GSDME: variants seen among roughly 807,000 people sequenced by gnomAD.
GSDME encodes the protein gasdermin-E.
GSDME carries 44 observed loss-of-function variants against 47.5 expected under a neutral mutation model. The observed-to-expected ratio is 0.93, with a 90% confidence interval of 0.73 to 1.19. GSDME has a LOEUF of 1.19. GSDME is among the 50% of genes most tolerant of loss of function. The probability of loss-of-function intolerance (pLI) is 0.00; values close to 1 mark genes in which losing one functional copy is unlikely to be tolerated. For missense variants in GSDME, 663 were observed against 604.2 expected (o/e 1.10, Z -1.02); for synonymous variants, 258 against 252.8 (o/e 1.02, Z -0.20).
intron 1 of GSDME, among the ~76,000 whole-genome samples, chr7:24,752,940 C>T (rs1403029941): frequency 6.6e-6 from 1 of 151,988 alleles, no homozygotes; most frequent in Non-Finnish European, 1.5e-5. Flanking sequence ...CCAATCCTCC[C>T]CCACAGGGAT....
At position 24,736,332 on chromosome 7, in the gene GSDME, G is replaced by T. The variant is rs186834341; in HGVS notation, c.404+8230C>A. On this transcript the variant is annotated intron_variant, in intron 3 of 9. Coordinates refer to ENST00000645220, the MANE Select transcript of GSDME (RefSeq NM_001127453.2). This position sits in a 1 kb window ranked among gnomAD's most constrained non-coding sequence, Gnocchi z 4.6. ...GACTGAAAATAAAGGGATGGAAAAA[G>T]CCCATGCAAATCACAGGCAAAAAAA... Among the ~76,000 whole-genome samples, 3 of 152,130 alleles carry T rather than the reference G, an allele frequency of 2.0e-5. No individual in the cohort carries two copies. The highest frequency in any genetic ancestry group is 1.9e-4 in the East Asian group (1 of 5,184).
At chr7:24,788,790 A>G in the GSDME span, among the ~76,000 whole-genome samples, 6 of 152,190 alleles carry the variant, frequency 3.9e-5, no homozygotes, top group African/African-American at 1.4e-4. This position sits in a 1 kb window ranked among gnomAD's most constrained non-coding sequence, Gnocchi z 4.6. Flanking sequence ...CTTTAAAGAT[A>G]TACTTTAGTG....
chr7:24,749,512 A>AAG, intron 2 of GSDME, 52 bp downstream of exon 2: 1 of 1,469,836 alleles, frequency 6.8e-7, no homozygotes, highest in East Asian at 2.3e-5. Flanking sequence ...AAAAAAAAAA[A>AAG]AAGGATCATC....
chr7:24,792,894 T>C, the GSDME span, among the ~76,000 whole-genome samples: 1 of 152,296 alleles, frequency 6.6e-6, no homozygotes, highest in East Asian at 1.9e-4. Context: ...TAAAAGACTT[T>C]TAGTTTTGAG....
chr7:24,776,210 G>A, the GSDME span, among the ~76,000 whole-genome samples: 1,697 of 147,108 alleles, frequency 0.012, 26 homozygotes, highest in African/African-American at 0.039. Flanking sequence ...AAGAATCACT[G>A]CTAAGAAGGA....
chr7:24,719,804 GGAAAA>G (rs1005123118), intron 3 of GSDME, among the ~76,000 whole-genome samples: 16 of 151,218 alleles, frequency 1.1e-4, no homozygotes, highest in African/African-American at 3.2e-4. Flanking sequence ...AAAAAAAAAA[GGAAAA>G]GAAAAGAAAA....
Position 24,754,631 on chromosome 7 carries a change from C to T in GSDME, c.-20+2765G>A, listed in dbSNP as rs1378836522. Reference sequence around the variant, plus strand: ...CTCTTGGACAAGAGACCTTGTGGGGCAGACACCAAGAAAGCAGGACAATGA... The same window carrying T: ...CTCTTGGACAAGAGACCTTGTGGGGTAGACACCAAGAAAGCAGGACAATGA... On this transcript the variant is annotated intron_variant, in intron 1 of 9. Transcript: ENST00000645220. This position sits in a 1 kb window ranked among gnomAD's most constrained non-coding sequence, Gnocchi z 5.0. 6.6e-6 allele frequency among the ~76,000 whole-genome samples: 1 copy of T among 152,140 alleles called. No homozygotes were observed. Among genetic ancestry groups the T allele is most frequent in the East Asian group, 1.9e-4 (1 of 5,202 alleles).
rs3038356 is a variant in GSDME, at chr7:24,744,923, C to CGTGTGTGTGT, written c.212-179_212-170dup. ...GTGTGGGCAAGAAAACAGGGCAGCA[C>CGTGTGTGTGT]GTGTGTGTGTGTGTGTGTGTGTGTG... On this transcript the variant is annotated intron_variant, in intron 2 of 9. Transcript: ENST00000645220. The surrounding 1 kb of genome is among the most constrained non-coding windows in gnomAD (Gnocchi z 4.5). 1.6e-3 allele frequency among the ~76,000 whole-genome samples: 220 copies of CGTGTGTGTGT among 140,194 alleles called. 2 individuals carry two copies. The highest frequency in any genetic ancestry group is 3.6e-3 in the Middle Eastern group (1 of 280). 92.0% of individuals were successfully genotyped at this position (140,194 alleles called of 152,430 possible).
At chr7:24,764,030 C>G in the GSDME span, among the ~76,000 whole-genome samples, 701 of 152,308 alleles carry the variant, frequency 4.6e-3, 4 homozygotes, top group African/African-American at 0.016. This position sits in a 1 kb window ranked among gnomAD's most constrained non-coding sequence, Gnocchi z 4.4. Context: ...CAGGGAGAGA[C>G]TGGTGATAGA....
chr7:24,793,129 T>C, the GSDME span, among the ~76,000 whole-genome samples: 1 of 152,220 alleles, frequency 6.6e-6, no homozygotes, highest in African/African-American at 2.4e-5. Context: ...AAGCTAAATT[T>C]CACCTTTATA....
At chr7:24,699,978 T>C (rs894212335) in intron 9 of GSDME, among the ~76,000 whole-genome samples, 1 of 152,200 alleles carries the variant, frequency 6.6e-6, no homozygotes, top group African/African-American at 2.4e-5. Context: ...TCCCTTGTTA[T>C]TCCTTCTTCC....
chr7:24,699,171 T>A lies in GSDME; in HGVS notation c.1346A>T (p.Gln449Leu). The A allele has an allele frequency of 2.5e-6, 4 of 1,614,216 alleles. No homozygotes were observed. Among genetic ancestry groups the A allele is most frequent in the Non-Finnish European group, 3.4e-6 (4 of 1,180,026 alleles). The part of the protein sequence containing the change: ...LKDTERFGIV[Q>L]RLFASADISL... ...AATGTCAGCTGAGGCAAACAAGCGC[T>A]GCACAATCCCAAACCTTTCTGTATC... Residue 449 changes from glutamine to leucine, a missense_variant, in exon 10 of 10, where the codon CAG becomes CTG. Gln to Leu is a moderately radical substitution (Grantham distance 113, BLOSUM62 -2). Transcript: ENST00000645220.
intron 9 of GSDME, among the ~76,000 whole-genome samples, chr7:24,701,731 C>T (rs201728525): frequency 1.3e-5 from 2 of 152,200 alleles, no homozygotes; most frequent in Non-Finnish European, 2.9e-5. Flanking sequence ...GACACACATG[C>T]TGGCACATTT....
chr7:24,702,867 A>G, intron 8 of GSDME, 34 bp from the exon 9 acceptor site: 2 of 1,595,098 alleles, frequency 1.3e-6, no homozygotes, highest in African/African-American at 2.7e-5. Flanking sequence ...CACAGTCCAA[A>G]AAAACAAGTC....
rs367558405 is a variant in GSDME at position 24,724,592 on chromosome 7, A to G, written c.405-5374T>C. ...GTCTGGAGGCAGGGGAAGGGGGTGC[A>G]TACTCAGTCGAGAAGAACTCCCTCT... is the stretch of plus-strand genomic sequence containing the variant. On this transcript the variant is annotated intron_variant, in intron 3 of 9. Coordinates refer to ENST00000645220, the MANE Select transcript of GSDME (RefSeq NM_001127453.2). The surrounding 1 kb of genome is among the most constrained non-coding windows in gnomAD (Gnocchi z 4.8). 17 of 152,550 alleles carry G rather than the reference A, an allele frequency of 1.1e-4. 2 individuals are homozygous for G. Among genetic ancestry groups the G allele is most frequent in the Admixed American group, 7.2e-4 (11 of 15,304 alleles). The allele number at this position is 152,550 out of a possible 1,614,324, so 9.4% of individuals were successfully genotyped here.
chr7:24,753,067 CTG>C (rs1790907008), intron 1 of GSDME, among the ~76,000 whole-genome samples: 1 of 151,746 alleles, frequency 6.6e-6, no homozygotes, highest in Non-Finnish European at 1.5e-5. Flanking sequence ...AGGAGAGTAA[CTG>C]GAGGTGGCTA....
chr7:24,702,905 G>A (rs1788932966), intron 8 of GSDME, 72 bp from the exon 9 acceptor site: 7 of 1,311,054 alleles, frequency 5.3e-6, no homozygotes, highest in Non-Finnish European at 7.6e-6. Flanking sequence ...CCCCTGGATG[G>A]CACCTAACTT....
chr7:24,739,387 A>G lies in GSDME; in HGVS notation c.404+5175T>C, dbSNP rs1011836405. On this transcript the variant is annotated intron_variant, in intron 3 of 9. Coordinates refer to ENST00000645220, the MANE Select transcript of GSDME (RefSeq NM_001127453.2). The surrounding 1 kb of genome is among the most constrained non-coding windows in gnomAD (Gnocchi z 5.1). The stretch of plus-strand genomic sequence containing the variant: ...GGCATATGAAAATGTGCTCAACATC[A>G]TTGATCATCAGGGAAATGCAAATCA... Among the ~76,000 whole-genome samples, 2 of 152,352 alleles carry G rather than the reference A, an allele frequency of 1.3e-5. No individual in the cohort carries two copies. The highest frequency in any genetic ancestry group is 6.5e-5 in the Admixed American group (1 of 15,308).
rs888354108 is a variant in GSDME at position 24,714,274 on chromosome 7, A to G, written c.697+2980T>C. On this transcript the variant is annotated intron_variant, in intron 5 of 9. Transcript: ENST00000645220. This position sits in a 1 kb window ranked among gnomAD's most constrained non-coding sequence, Gnocchi z 5.0. ...GAGTCTGCCTCCCTTCGAGGTTTCA[A>G]AGGACGACCAGGATCTCTGTCAAAT... Among the ~76,000 whole-genome samples the G allele has an allele frequency of 3.3e-5, 5 of 152,140 alleles. No homozygotes were observed. The highest frequency in any genetic ancestry group is 5.9e-5 in the Non-Finnish European group (4 of 68,032).
Sources: allele counts gnomAD v4.1 joint callset (sites outside exome capture counted in the v4.1 genomes callset), GRCh38; gene constraint gnomAD v4.1.1; non-coding constraint Gnocchi (gnomAD v3.1); transcripts MANE v1.5; gene names NCBI Gene and HGNC (gene_info 2026-07-23, HGNC 2026-07-21).